CHM: variants seen among roughly 807,000 people sequenced by gnomAD.
The protein encoded by CHM is CHM Rab escort protein, also known as rab proteins geranylgeranyltransferase component A 1.
In CHM, 10 loss-of-function variants were observed where a neutral mutation model predicts 49.0. The observed-to-expected ratio is 0.20, with a 90% CI of 0.13 to 0.35. The LOEUF (loss-of-function observed/expected upper bound fraction) is 0.35. Ranked by LOEUF, CHM falls within the 10% of genes least tolerant of loss-of-function variation. The pLI is 1.00. For synonymous variants in CHM, 184 were observed against 167.5 expected (o/e 1.10, Z -0.76); for missense variants, 455 against 478.4 (o/e 0.95, Z 0.46).
intron 1 of CHM, among the ~76,000 whole-genome samples, chrX:86,043,617 A>G (rs369058371): frequency 3.1e-4 from 34 of 110,350 alleles, no homozygotes; most frequent in South Asian, 2.3e-3. Flanking sequence ...TGTGTCACCC[A>G]TTTCAGCTAC....
intron 2 of CHM, among the ~76,000 whole-genome samples, chrX:85,983,514 C>T (rs1358946956): frequency 9.0e-6 from 1 of 111,359 alleles, no homozygotes; most frequent in Non-Finnish European, 1.9e-5. Flanking sequence ...GCTATCTCTT[C>T]CCATCCTCCA....
At chrX:85,872,159 C>T (rs1924113830) in intron 14 of CHM, among the ~76,000 whole-genome samples, 1 of 111,901 alleles carries the variant, frequency 8.9e-6, no homozygotes, top group Non-Finnish European at 1.9e-5. Context: ...AATTAGATTA[C>T]AGGCTCAACC....
intron 7 of CHM, 80 bp from the exon 8 acceptor site, chrX:85,956,458 T>G (rs1212296462): frequency 1.8e-6 from 2 of 1,131,400 alleles, no homozygotes; most frequent in Non-Finnish European, 1.2e-6. Flanking sequence ...GGAGATGAAG[T>G]GTGTTTCACA....
At chrX:85,933,913 C>G (rs1418454399) in intron 8 of CHM, among the ~76,000 whole-genome samples, 1 of 111,110 alleles carries the variant, frequency 9.0e-6, no homozygotes, top group Non-Finnish European at 1.9e-5. Flanking sequence ...TTATTAAATT[C>G]AAGTGTTGTC....
At chrX:85,870,073 G>A (rs1342396462) in intron 14 of CHM, among the ~76,000 whole-genome samples, 2 of 111,811 alleles carry the variant, frequency 1.8e-5, no homozygotes, top group Non-Finnish European at 3.8e-5. Flanking sequence ...ATCCAAAAGA[G>A]TTGAGTTTAA....
At chrX:85,897,839 C>G (rs1230230658) in intron 11 of CHM, among the ~76,000 whole-genome samples, 1 of 110,941 alleles carries the variant, frequency 9.0e-6, no homozygotes, top group Admixed American at 9.6e-5. Context: ...AAGATTACAG[C>G]CTGACTCAGG....
intron 1 of CHM, among the ~76,000 whole-genome samples, chrX:86,031,990 T>G (rs1010877726): frequency 8.9e-6 from 1 of 112,741 alleles, no homozygotes; most frequent in Non-Finnish European, 1.9e-5. Context: ...TATTGCTAAT[T>G]TAGTAAAATA....
At chrX:85,871,026 A>C in intron 14 of CHM, among the ~76,000 whole-genome samples, 1 of 110,383 alleles carries the variant, frequency 9.1e-6, no homozygotes, top group Non-Finnish European at 1.9e-5. Flanking sequence ...AAAATGAAGA[A>C]ATCGGGCCGG....
At chrX:85,963,352 G>T (rs1158254016) in intron 5 of CHM, among the ~76,000 whole-genome samples, 1 of 112,281 alleles carries the variant, frequency 8.9e-6, no homozygotes, top group African/African-American at 3.2e-5. Context: ...AAATAACATG[G>T]ATTTCTAAAC....
chrX:85,901,255 G>A (rs759252731), intron 9 of CHM, 67 bp from the exon 10 acceptor site: 38 of 676,023 alleles, frequency 5.6e-5, no homozygotes, highest in Admixed American at 1.1e-4. Flanking sequence ...AAATGTAATC[G>A]GCTACCAATT....
At chrX:85,940,185 C>CGTT (rs1929026977) in intron 8 of CHM, among the ~76,000 whole-genome samples, 2 of 111,127 alleles carry the variant, frequency 1.8e-5, no homozygotes, top group African/African-American at 6.6e-5. Context: ...TAATGTCTTA[C>CGTT]AAACTCACTC....
At chrX:85,885,537 C>G (rs953017603) in intron 12 of CHM, among the ~76,000 whole-genome samples, 1 of 111,017 alleles carries the variant, frequency 9.0e-6, no homozygotes, top group Non-Finnish European at 1.9e-5. Context: ...CAATTGAACT[C>G]TAATTAAATC....
intron 2 of CHM, among the ~76,000 whole-genome samples, chrX:85,986,289 G>T (rs1931906708): frequency 9.0e-6 from 1 of 111,080 alleles, no homozygotes; most frequent in Non-Finnish European, 1.9e-5. Context: ...ACTAAGGTCC[G>T]TTACTCTGCT....
intron 2 of CHM, among the ~76,000 whole-genome samples, chrX:86,019,271 T>C (rs1357258364): frequency 8.9e-6 from 1 of 112,100 alleles, no homozygotes; most frequent in East Asian, 2.8e-4. Context: ...TCATAACAGC[T>C]ATTAGAAAAT....
intron 4 of CHM, among the ~76,000 whole-genome samples, chrX:85,968,363 C>T (rs1290139220): frequency 8.9e-6 from 1 of 112,009 alleles, no homozygotes; most frequent in East Asian, 2.8e-4. Context: ...GTCATGTTTA[C>T]CCAAGAACAA....
At chrX:86,047,307 C>T in intron 1 of CHM, 177 bp downstream of exon 1, 2 of 506,343 alleles carry the variant, frequency 3.9e-6, no homozygotes, top group Non-Finnish European at 7.1e-6. Flanking sequence ...ACTGCGGGTC[C>T]CAGCCCCTCC....
intron 8 of CHM, among the ~76,000 whole-genome samples, chrX:85,934,686 G>A (rs1928678309): frequency 9.1e-6 from 1 of 110,391 alleles, no homozygotes; most frequent in South Asian, 3.9e-4. Flanking sequence ...GTCTATCACT[G>A]ATGGACATTT....
intron 1 of CHM, among the ~76,000 whole-genome samples, chrX:86,036,409 G>A (rs1934247496): frequency 9.0e-6 from 1 of 111,520 alleles, no homozygotes; most frequent in Non-Finnish European, 1.9e-5. Flanking sequence ...GGAAAGTTCA[G>A]GTTAAAATAA....
chrX:86,038,321 T>A (rs190307844), intron 1 of CHM, among the ~76,000 whole-genome samples: 37 of 112,012 alleles, frequency 3.3e-4, no homozygotes, highest in African/African-American at 1.0e-3. Context: ...CACTACAGAC[T>A]AAGGCATAAG....
Sources: gnomAD v4.1 joint callset for allele counts (sites outside exome capture counted in the v4.1 genomes callset) on GRCh38, gnomAD v4.1.1 for gene constraint, MANE v1.5 for transcripts, NCBI Gene and HGNC (gene_info 2026-07-23, HGNC 2026-07-21) for gene names.